Variants in INKA2 observed in about 807,000 individuals in gnomAD.
The protein encoded by INKA2 is inka box actin regulator 2, also known as PAK4-inhibitor INKA2.
A neutral mutation model predicts 9.8 loss-of-function variants in INKA2; 3 were observed. The ratio of observed to expected loss-of-function variants is 0.31; its 90% CI spans 0.14 to 0.79. The LOEUF is 0.79. INKA2 is among the 30% of genes least tolerant of loss of function. INKA2 has a pLI of 0.62. For missense variants in INKA2, 392 were observed against 384.4 expected (o/e 1.02, Z -0.17); for synonymous variants, 147 against 143.3 (o/e 1.03, Z -0.18).
At chr1:111,728,888 G>A (rs1662846595) in intron 1 of INKA2, among the ~76,000 whole-genome samples, 1 of 146,438 alleles carries the variant, frequency 6.8e-6, no homozygotes, top group Non-Finnish European at 1.5e-5. Context: ...CTGGGCAGTG[G>A]GCAGTGGAGC....
At chr1:111,727,878 G>T (rs765100293) in intron 1 of INKA2, 74 bp from the exon 2 acceptor site, 1 of 1,438,968 alleles carries the variant, frequency 6.9e-7, no homozygotes, top group South Asian at 1.1e-5. Flanking sequence ...CCTGAACTTA[G>T]GTCCCCCACC....
rs1662803616 is a variant in INKA2, at chr1:111,727,322, C to G, written c.540G>C (p.Glu180Asp). 6.2e-7 allele frequency: 1 copy of G among 1,614,190 alleles called. No individual in the cohort carries two copies. The highest frequency in any genetic ancestry group is 2.2e-5 in the East Asian group (1 of 44,884). The change falls in exon 2 of 2, where the codon GAG becomes GAC. Residue 180 changes from glutamate (E) to aspartate (D), a missense_variant. Transcript: ENST00000357260. ...CACGTGCCCCCCCAGTCTCACCCTTCTCCCCACCCTTCTCCAGTTCTGGCA... is the reference window on the plus strand; with the variant it reads ...CACGTGCCCCCCCAGTCTCACCCTTGTCCCCACCCTTCTCCAGTTCTGGCA... ...LDLPELEKGG[E>D]KGETGGAREP...
In INKA2 at chr1:111,727,370, G is replaced by A; in HGVS notation, c.492C>T (p.Asp164=). 2 of 1,613,946 alleles carry A rather than the reference G, an allele frequency of 1.2e-6. No homozygotes were observed. Among genetic ancestry groups the A allele is most frequent in the Non-Finnish European group, 1.7e-6 (2 of 1,179,968 alleles). Residue 164 remains aspartate, a synonymous_variant, in exon 2 of 2, where the codon GAC becomes GAT. Transcript: ENST00000357260. ...GCAAGTCTAGCCAATTGCCCACCAG[G>A]TCTGCAAAAACGTTGTCCCCTAACA... ...PLVLGDNVFA[D]LVGNWLDLPE...
intron 1 of INKA2, among the ~76,000 whole-genome samples, chr1:111,752,762 C>T (rs1051108651): frequency 1.1e-4 from 16 of 150,838 alleles, no homozygotes; most frequent in African/African-American, 3.7e-4. Flanking sequence ...GGTGTGATCT[C>T]GGCTCACTGC....
rs1322715589 is a variant in INKA2, at chr1:111,727,510, G to A, written c.352C>T (p.Pro118Ser). 1 of 1,614,200 alleles carries A rather than the reference G, an allele frequency of 6.2e-7. No individual in the cohort carries two copies. Among genetic ancestry groups the A allele is most frequent in the South Asian group, 1.1e-5 (1 of 91,084 alleles). The change falls in exon 2 of 2, where the codon CCC becomes TCC. Residue 118 changes from proline (P) to serine (S), a missense_variant. By Grantham distance (74) the Pro-to-Ser change is moderately conservative. Transcript: ENST00000357260. The part of the protein sequence containing the change: ...HRSVCGRDLA[P>S]LPRTQPHQSC... Reference sequence around the variant, plus strand: ...TGATGTGGCTGTGTCCTGGGCAAGGGGGCTAAATCCCTTCCACAGACACTC... The same window carrying A: ...TGATGTGGCTGTGTCCTGGGCAAGGAGGCTAAATCCCTTCCACAGACACTC...
chr1:111,740,008 C>T (rs1663107591), upstream of INKA2: 1 of 152,206 alleles, frequency 6.6e-6, no homozygotes, highest in Non-Finnish European at 1.5e-5. Flanking sequence ...GCTGGGGATA[C>T]TGAGTATGAC....
chr1:111,733,805 C>A (rs1662958717), intron 1 of INKA2, among the ~76,000 whole-genome samples: 1 of 152,298 alleles, frequency 6.6e-6, no homozygotes, highest in Middle Eastern at 3.4e-3. Flanking sequence ...CCCAAACCCT[C>A]CCCTGGGCCC....
At chr1:111,751,384 G>A (rs939074094) in intron 1 of INKA2, among the ~76,000 whole-genome samples, 1 of 152,194 alleles carries the variant, frequency 6.6e-6, no homozygotes, top group Non-Finnish European at 1.5e-5. Flanking sequence ...TGTCAGTACT[G>A]CATATGATTT....
intron 1 of INKA2, among the ~76,000 whole-genome samples, chr1:111,749,421 GGTGTGTGTGTGT>G (rs58362318): frequency 0.051 from 7,728 of 150,082 alleles, 276 homozygotes; most frequent in Non-Finnish European, 0.073. Context: ...TGTGTGTTGG[GGTGTGTGTGTGT>G]GTGTGTGTGT....
intron 1 of INKA2, among the ~76,000 whole-genome samples, chr1:111,738,850 CG>C (rs1200042631): frequency 6.6e-6 from 1 of 152,148 alleles, no homozygotes; most frequent in Non-Finnish European, 1.5e-5. Context: ...GTCGGCGGCG[CG>C]GGGGCCCCAC....
chr1:111,755,036 C>T (rs1663497931), intron 1 of INKA2: 1 of 146,610 alleles, frequency 6.8e-6, no homozygotes, highest in Non-Finnish European at 1.5e-5. Context: ...GTGGCAGAGA[C>T]TGCTAGCTGC....
chr1:111,749,126 A>C (rs1663338587), intron 1 of INKA2, among the ~76,000 whole-genome samples: 1 of 152,156 alleles, frequency 6.6e-6, no homozygotes. Context: ...ACAGAGATAA[A>C]ACCAGTCTCC....
intron 1 of INKA2, among the ~76,000 whole-genome samples, chr1:111,752,512 A>G (rs1199974419): frequency 3.3e-5 from 5 of 152,152 alleles, no homozygotes; most frequent in Non-Finnish European, 4.4e-5. Flanking sequence ...ATGATTAGAG[A>G]TGTTTTGTAG....
chr1:111,755,791 C>T, exon 1 of INKA2: 4 of 1,609,664 alleles, frequency 2.5e-6, no homozygotes, highest in Non-Finnish European at 2.5e-6. Flanking sequence ...CTCCGACTCC[C>T]GTCCCTTTCT....
chr1:111,742,399 A>C (rs550035748), upstream of INKA2, among the ~76,000 whole-genome samples: 186 of 152,238 alleles, frequency 1.2e-3, 2 homozygotes, highest in South Asian at 3.3e-3. Flanking sequence ...AGCCTGGCTA[A>C]TATGGTGAAA....
rs1490304909 is a variant in INKA2, at chr1:111,722,866, G to A, written c.*4102C>T. The A allele has an allele frequency of 3.8e-6, 2 of 529,796 alleles. No individual in the cohort carries two copies. The highest frequency in any genetic ancestry group is 6.7e-6 in the Non-Finnish European group (2 of 299,286). The allele number at this position is 529,796 out of a possible 1,614,324, so 32.8% of individuals were successfully genotyped here. ...GTCACATGGTTAGTGCCTCTACTAA[G>A]GGGATGGGTTGTCCAGTATCTGCTG... is the stretch of plus-strand genomic sequence containing the variant. On this transcript the variant is annotated 3_prime_UTR_variant, in exon 2 of 2. Transcript: ENST00000357260.
Position 111,726,158 on chromosome 1 carries a change from T to C in INKA2, c.*810A>G. 5.0e-6 allele frequency: 2 copies of C among 398,414 alleles called. No homozygotes were observed. The highest frequency in any genetic ancestry group is 8.9e-6 in the Non-Finnish European group (2 of 225,934). The allele number at this position is 398,414 out of a possible 1,614,324, so 24.7% of individuals were successfully genotyped here. A position where few individuals can be genotyped will look rare whatever the true frequency, so the allele number is the denominator to read the frequency against. Reference sequence around the variant, plus strand: ...CAGTTGTTCCTGGACATGTAGCATATCTAGGCTTGTTTCCTTATCTGGAAA... The same window carrying C: ...CAGTTGTTCCTGGACATGTAGCATACCTAGGCTTGTTTCCTTATCTGGAAA... On this transcript the variant is annotated 3_prime_UTR_variant, in exon 2 of 2. Transcript: ENST00000357260.
In INKA2 at chr1:111,726,852, G is replaced by A. The variant is rs1159778988; in HGVS notation, c.*116C>T. 9.3e-7 allele frequency: 1 copy of A among 1,074,738 alleles called. No homozygotes were observed. The highest frequency in any genetic ancestry group is 1.4e-6 in the Non-Finnish European group (1 of 734,678). The allele number at this position is 1,074,738 out of a possible 1,614,324, so 66.6% of individuals were successfully genotyped here. On this transcript the variant is annotated 3_prime_UTR_variant, in exon 2 of 2. Coordinates refer to ENST00000357260, the MANE Select transcript of INKA2 (RefSeq NM_019099.5). ...TCTGGCTTCTCCCCGCTTTCTGGGG[G>A]AAAGGAACTTGGAGTTGGGCTTTCG...
In INKA2 at chr1:111,754,677, G is replaced by A. The variant is rs1663487085; in HGVS notation, n.124+1024C>T. ...CCCACACAACTAAATTTGGAATTAT[G>A]AATATGGCTGAGGTCCAGAAATATT... On this transcript the variant is annotated intron_variant and non_coding_transcript_variant, in intron 1 of 1. Coordinates refer to the INKA2 transcript ENST00000444059. The A allele has an allele frequency of 3.3e-5, 5 of 152,290 alleles. No individual in the cohort carries two copies. In the South Asian group the frequency reaches 1.0e-3, roughly 32 times the overall value. 9.4% of individuals were successfully genotyped at this position (152,290 alleles called of 1,614,324 possible).
Sources: gnomAD v4.1 joint callset for allele counts (sites outside exome capture counted in the v4.1 genomes callset) on GRCh38, gnomAD v4.1.1 for gene constraint, MANE v1.5 for transcripts, NCBI Gene and HGNC (gene_info 2026-07-23, HGNC 2026-07-21) for gene names.